HYCC1: variants seen among roughly 807,000 people sequenced by gnomAD.
The protein encoded by HYCC1 is hyccin.
the HYCC1 span, among the ~76,000 whole-genome samples, chr7:22,908,765 T>A: frequency 6.6e-6 from 1 of 152,230 alleles, no homozygotes; most frequent in Non-Finnish European, 1.5e-5. Context: ...ATGTCTTGAC[T>A]GATAAGAATG....
chr7:22,961,516 G>T, the HYCC1 span, among the ~76,000 whole-genome samples: 1 of 152,000 alleles, frequency 6.6e-6, no homozygotes, highest in African/African-American at 2.4e-5. Flanking sequence ...TAATAGCAAA[G>T]AAAATTTTAT....
the HYCC1 span, chr7:22,936,892 T>C: frequency 6.6e-6 from 1 of 152,214 alleles, no homozygotes; most frequent in Non-Finnish European, 1.5e-5. Context: ...GGGAAATGTA[T>C]ATTATGTCCT....
At chr7:22,913,056 G>A in the HYCC1 span, among the ~76,000 whole-genome samples, 7 of 152,026 alleles carry the variant, frequency 4.6e-5, no homozygotes, top group Admixed American at 6.5e-5. Flanking sequence ...CCTAGGAGGC[G>A]GAGGTTGCAG....
At chr7:22,929,452 G>A in the HYCC1 span, among the ~76,000 whole-genome samples, 1 of 152,054 alleles carries the variant, frequency 6.6e-6, no homozygotes, top group Non-Finnish European at 1.5e-5. Context: ...ATCTGACAAA[G>A]GGCTAATATC....
At chr7:22,908,313 C>T in the HYCC1 span, among the ~76,000 whole-genome samples, 8 of 152,200 alleles carry the variant, frequency 5.3e-5, no homozygotes, top group Non-Finnish European at 1.0e-4. Context: ...AGTCTGACTT[C>T]CACTATATAC....
the HYCC1 span, among the ~76,000 whole-genome samples, chr7:23,009,237 C>T: frequency 6.6e-6 from 1 of 151,970 alleles, no homozygotes; most frequent in African/African-American, 2.4e-5. Flanking sequence ...ACCATTTATG[C>T]TTTCCTGAAT....
chr7:22,920,760 G>C, the HYCC1 span, among the ~76,000 whole-genome samples: 1 of 152,168 alleles, frequency 6.6e-6, no homozygotes, highest in Non-Finnish European at 1.5e-5. Flanking sequence ...TGGTTGGAAT[G>C]TGTGTCCCCT....
chr7:22,921,043 T>C, the HYCC1 span, among the ~76,000 whole-genome samples: 1 of 152,214 alleles, frequency 6.6e-6, no homozygotes, highest in Admixed American at 6.5e-5. Context: ...CAGAAACAGA[T>C]GCTGGCACCA....
At chr7:22,994,204 G>A in the HYCC1 span, among the ~76,000 whole-genome samples, 3 of 152,068 alleles carry the variant, frequency 2.0e-5, no homozygotes, top group South Asian at 2.1e-4. Context: ...ATCAGTAGTT[G>A]AACGAATAAA....
the HYCC1 span, chr7:22,945,410 C>A: frequency 1.7e-6 from 1 of 600,606 alleles, no homozygotes; most frequent in South Asian, 2.1e-5. Flanking sequence ...ATAACAAAAC[C>A]ATATTTCAAC....
At chr7:22,932,180 C>T in the HYCC1 span, among the ~76,000 whole-genome samples, 2 of 152,142 alleles carry the variant, frequency 1.3e-5, no homozygotes, top group Admixed American at 1.3e-4. Flanking sequence ...ATGCAAGACT[C>T]CCTTGTCTAA....
chr7:22,958,904 G>A, the HYCC1 span, among the ~76,000 whole-genome samples: 2 of 152,136 alleles, frequency 1.3e-5, no homozygotes, highest in African/African-American at 2.4e-5. Flanking sequence ...TGTAGCAGTA[G>A]CTTAGAAGCA....
the HYCC1 span, among the ~76,000 whole-genome samples, chr7:22,904,763 G>A: frequency 1.3e-5 from 2 of 151,456 alleles, no homozygotes; most frequent in Non-Finnish European, 2.9e-5. Context: ...GGCCAACATG[G>A]TGAAACCCTG....
chr7:22,976,224 A>G, the HYCC1 span: 1 of 1,609,664 alleles, frequency 6.2e-7, no homozygotes, highest in Non-Finnish European at 8.5e-7. Flanking sequence ...AACAAATTTG[A>G]CACAGTGACT....
At chr7:22,897,712 C>T in the HYCC1 span, among the ~76,000 whole-genome samples, 1 of 151,968 alleles carries the variant, frequency 6.6e-6, no homozygotes. Context: ...GCTCAAGCGA[C>T]CCTCACACCT....
At chr7:22,900,306 C>T in the HYCC1 span, among the ~76,000 whole-genome samples, 11 of 152,286 alleles carry the variant, frequency 7.2e-5, no homozygotes, top group Middle Eastern at 3.4e-3. Context: ...AGGCACTGAC[C>T]GCTGTTTACT....
chr7:22,933,748 A>T, the HYCC1 span, among the ~76,000 whole-genome samples: 1 of 152,166 alleles, frequency 6.6e-6, no homozygotes, highest in Non-Finnish European at 1.5e-5. Flanking sequence ...GAAATTCTCC[A>T]TCTTTACTCA....
the HYCC1 span, chr7:22,961,148 T>C: frequency 3.8e-6 from 3 of 789,488 alleles, no homozygotes; most frequent in South Asian, 1.4e-5. Context: ...AATGACATAT[T>C]AATAAACTAT....
At chr7:22,925,534 T>C in the HYCC1 span, among the ~76,000 whole-genome samples, 1 of 151,972 alleles carries the variant, frequency 6.6e-6, no homozygotes, top group Admixed American at 6.6e-5. Flanking sequence ...ACGTGACAAA[T>C]GCACAAGCCT....
Sources: allele counts gnomAD v4.1 joint callset (sites outside exome capture counted in the v4.1 genomes callset), GRCh38; gene constraint gnomAD v4.1.1; transcripts MANE v1.5; gene names NCBI Gene and HGNC (gene_info 2026-07-23, HGNC 2026-07-21).